Variants in STS observed in about 807,000 individuals in gnomAD.
STS encodes steryl-sulfatase.
Under a neutral mutation model 26.8 loss-of-function variants are expected in STS, and 7 were observed. The ratio of observed to expected loss-of-function variants is 0.26; its 90% CI spans 0.15 to 0.49. The LOEUF is 0.49. STS is among the 20% of genes least tolerant of loss of function. The probability of loss-of-function intolerance (pLI) is 0.98; values close to 1 mark genes in which losing one functional copy is unlikely to be tolerated. For missense variants in STS, 434 were observed against 465.6 expected, an observed-to-expected ratio of 0.93 and a Z score of 0.63; for synonymous variants, 199 against 189.4, an observed-to-expected ratio of 1.05 and a Z score of -0.42.
chrX:7,185,160 G>A (rs772975030), intron 1 of STS, among the ~76,000 whole-genome samples: 3 of 111,809 alleles, frequency 2.7e-5, no homozygotes, highest in Non-Finnish European at 5.6e-5. Flanking sequence ...TCCCATTGCC[G>A]TCTGTCATGT....
At chrX:7,344,299 T>C (rs1327528398) in intron 10 of STS, among the ~76,000 whole-genome samples, 4 of 111,650 alleles carry the variant, frequency 3.6e-5, no homozygotes, top group Non-Finnish European at 7.5e-5. Context: ...GGCTGCCCTG[T>C]GGATTCTAGA....
chrX:7,219,782 C>T lies in STS; in HGVS notation c.-5+28774C>T, dbSNP rs892484909. Reference sequence around the variant, plus strand: ...CAGCTACCTGCTTGTGTTGCATATTCTCCCAACATGTGTTGTCTTGTTCTT... The same window carrying T: ...CAGCTACCTGCTTGTGTTGCATATTTTCCCAACATGTGTTGTCTTGTTCTT... On this transcript the variant is annotated intron_variant, in intron 2 of 10. Transcript: ENST00000674429. 13 of 960,658 alleles carry T rather than the reference C, an allele frequency of 1.4e-5. No individual in the cohort carries two copies. The South Asian group carries it at 2.2e-4, about 16-fold the overall frequency. The allele number at this position is 960,658 out of a possible 1,213,427, so 79.2% of individuals were successfully genotyped here. A position where few individuals can be genotyped will look rare whatever the true frequency, so the allele number is the denominator to read the frequency against.
At chrX:7,250,961 G>A (rs893888649) in intron 2 of STS, among the ~76,000 whole-genome samples, 5 of 112,511 alleles carry the variant, frequency 4.4e-5, no homozygotes, top group African/African-American at 1.3e-4. Flanking sequence ...ATGTTTAGTC[G>A]TTGTTTGATT....
chrX:7,190,989 C>T lies in STS; in HGVS notation c.-24C>T, dbSNP rs1475036564. On this transcript the variant is annotated 5_prime_UTR_variant, in exon 2 of 11. Coordinates refer to ENST00000674429, the MANE Select transcript of STS (RefSeq NM_001320752.2). ...CTTCCTGAGGACAATGGCGCAAGAT[C>T]GTCTTCAGCTGTTCATAGCGTAAGT... The T allele has an allele frequency of 4.7e-5, 35 of 751,489 alleles. No homozygotes were observed. The highest frequency in any genetic ancestry group is 6.9e-5 in the South Asian group (1 of 14,591). 61.9% of individuals were successfully genotyped at this position (751,489 alleles called of 1,213,427 possible).
At chrX:7,319,799 G>T (rs1030781519) in intron 8 of STS, among the ~76,000 whole-genome samples, 2 of 106,635 alleles carry the variant, frequency 1.9e-5, no homozygotes, top group East Asian at 5.8e-4. Context: ...TTGGAGAACT[G>T]TTTAAATTCA....
intron 8 of STS, among the ~76,000 whole-genome samples, chrX:7,322,962 C>G (rs1171118468): frequency 2.7e-5 from 3 of 111,991 alleles, no homozygotes; most frequent in African/African-American, 9.7e-5. Context: ...GGCACCAAGC[C>G]TGTTTCCTCA....
intron 2 of STS, among the ~76,000 whole-genome samples, chrX:7,200,936 C>CA (rs1287273966): frequency 9.4e-6 from 1 of 106,810 alleles, no homozygotes; most frequent in African/African-American, 3.4e-5. Flanking sequence ...TATATAAAAC[C>CA]ATAAACTGGT....
intron 2 of STS, among the ~76,000 whole-genome samples, chrX:7,209,153 C>T (rs1249068808): frequency 2.7e-5 from 3 of 111,221 alleles, no homozygotes; most frequent in African/African-American, 6.5e-5. Context: ...GCCCACAACA[C>T]GTCCCTTTCT....
chrX:7,218,428 A>C (rs1434389931), intron 2 of STS, among the ~76,000 whole-genome samples: 2 of 112,326 alleles, frequency 1.8e-5, no homozygotes, highest in African/African-American at 6.5e-5. Context: ...TGATATGTAG[A>C]CTGCAATTTT....
chrX:7,236,821 C>T (rs1271788728), intron 2 of STS, among the ~76,000 whole-genome samples: 1 of 110,297 alleles, frequency 9.1e-6, no homozygotes, highest in Non-Finnish European at 1.9e-5. Context: ...CGCATAAATA[C>T]ATAGATGCAT....
rs1491233518 is a variant in STS, at chrX:7,214,992, G to GTA, written c.-5+23991_-5+23992dup. On this transcript the variant is annotated intron_variant, in intron 2 of 10. Transcript: ENST00000674429. ...TATATGTATATATACATATATATAC[G>GTA]TATATATACATATATACGTATATAT... Among the ~76,000 whole-genome samples, 108 of 66,923 alleles carry GTA rather than the reference G, an allele frequency of 1.6e-3. 2 individuals are homozygous for GTA. Among genetic ancestry groups the GTA allele is most frequent in the African/African-American group, 5.7e-3 (92 of 16,056 alleles). 58.1% of individuals were successfully genotyped at this position (66,923 alleles called of 115,157 possible). A position where few individuals can be genotyped will look rare whatever the true frequency, so the allele number is the denominator to read the frequency against.
rs1180735110 is a variant in STS, at chrX:7,276,044, C to T, written c.900C>T (p.His300=). 5 of 1,206,002 alleles carry T rather than the reference C, an allele frequency of 4.1e-6. No individual in the cohort carries two copies. The highest frequency in any genetic ancestry group is 3.5e-5 in the South Asian group (2 of 56,683). The change falls in exon 7 of 11, where the codon CAC becomes CAT. Residue 300 remains histidine (H), a synonymous_variant. Coordinates refer to ENST00000674429, the MANE Select transcript of STS (RefSeq NM_001320752.2). The part of the protein sequence containing the change: ...SSKDFAGKSQ[H]GVYGDAVEEM... Reference sequence around the variant, plus strand: ...AAGACTTTGCTGGCAAAAGTCAACACGGAGTCTACGGGGATGCTGTTGAGG... The same window carrying T: ...AAGACTTTGCTGGCAAAAGTCAACATGGAGTCTACGGGGATGCTGTTGAGG...
chrX:7,320,895 C>G (rs908920320), intron 8 of STS, among the ~76,000 whole-genome samples: 6 of 111,645 alleles, frequency 5.4e-5, no homozygotes, highest in African/African-American at 1.6e-4. Flanking sequence ...GGAATCTCCC[C>G]TAAGTGACTG....
intron 7 of STS, among the ~76,000 whole-genome samples, chrX:7,288,263 T>A (rs1223298720): frequency 2.7e-5 from 3 of 109,744 alleles, no homozygotes; most frequent in Admixed American, 9.8e-5. Context: ...TTTTTTTTTT[T>A]AAAGCTTTTC....
chrX:7,214,550 G>T (rs1048637599), intron 2 of STS, among the ~76,000 whole-genome samples: 12 of 111,457 alleles, frequency 1.1e-4, no homozygotes, highest in Non-Finnish European at 2.3e-4. Context: ...TTTTATTTAT[G>T]CTTTTATTTC....
chrX:7,354,495 T>C lies in STS; in HGVS notation c.*4234T>C, dbSNP rs1272597772. 1 of 112,078 alleles carries C rather than the reference T, an allele frequency of 8.9e-6. No homozygotes were observed. The highest frequency in any genetic ancestry group is 3.2e-5 in the African/African-American group (1 of 30,817). The allele number at this position is 112,078 out of a possible 1,213,427, so 9.2% of individuals were successfully genotyped here. A position where few individuals can be genotyped will look rare whatever the true frequency, so the allele number is the denominator to read the frequency against. On this transcript the variant is annotated 3_prime_UTR_variant, in exon 11 of 11. Transcript: ENST00000674429. ...GGACAGCATGACTGTGCAGGGTCTT[T>C]AGAGCTCAGCTTTCTGAGGCCCTGA...
intron 2 of STS, among the ~76,000 whole-genome samples, chrX:7,233,097 T>TC (rs1359082007): frequency 1.0e-5 from 1 of 95,609 alleles, no homozygotes; most frequent in Non-Finnish European, 2.1e-5. Context: ...TTTTCTTTTT[T>TC]TTTTTTTTTT....
chrX:7,190,994 T>C lies in STS; in HGVS notation c.-19T>C. ...TGAGGACAATGGCGCAAGATCGTCT[T>C]CAGCTGTTCATAGCGTAAGTATGAG... On this transcript the variant is annotated 5_prime_UTR_variant, in exon 2 of 11. Coordinates refer to ENST00000674429, the MANE Select transcript of STS (RefSeq NM_001320752.2). The C allele has an allele frequency of 1.3e-6, 1 of 753,792 alleles. No individual in the cohort carries two copies. The highest frequency in any genetic ancestry group is 2.3e-5 in the African/African-American group (1 of 43,707). The allele number at this position is 753,792 out of a possible 1,213,427, so 62.1% of individuals were successfully genotyped here. A position where few individuals can be genotyped will look rare whatever the true frequency, so the allele number is the denominator to read the frequency against.
rs1399107691 is a variant in STS, at chrX:7,349,980, G to A, written c.1456G>A (p.Gly486Arg). 5 of 1,211,469 alleles carry A rather than the reference G, an allele frequency of 4.1e-6. No homozygotes were observed. Among genetic ancestry groups the A allele is most frequent in the Non-Finnish European group, 5.6e-6 (5 of 895,369 alleles). ...CFATHVCFCF[G>R]SYVTHHDPPL... Reference sequence around the variant, plus strand: ...TGCCACACACGTGTGCTTCTGTTTCGGGAGTTATGTCACCCATCACGACCC... The same window carrying A: ...TGCCACACACGTGTGCTTCTGTTTCAGGAGTTATGTCACCCATCACGACCC... Residue 486 changes from glycine (G) to arginine (R), a missense_variant, in exon 11 of 11, where the codon GGG becomes AGG. Physicochemically the swap from Gly to Arg is moderately radical, Grantham distance 125 (BLOSUM62 -2). Around this residue, in one of 2 missense-constraint regions of STS, gnomAD observed 205 missense variants for 177.3 expected, o/e 1.16. Coordinates refer to ENST00000674429, the MANE Select transcript of STS (RefSeq NM_001320752.2).
Sources: gnomAD v4.1 joint callset for allele counts (sites outside exome capture counted in the v4.1 genomes callset) on GRCh38, gnomAD v4.1.1 for gene constraint, gnomAD v4.1.1 regional missense constraint, MANE v1.5 for transcripts, NCBI Gene and HGNC (gene_info 2026-07-23, HGNC 2026-07-21) for gene names.